NELL1: variants seen among roughly 807,000 people sequenced by gnomAD.
NELL1 encodes the protein neural EGFL like 1.
A neutral mutation model predicts 107.4 loss-of-function variants in NELL1; 76 were observed. The observed-to-expected ratio is 0.71, with a 90% CI of 0.59 to 0.86. NELL1 has a LOEUF of 0.86. NELL1 is among the 40% of genes least tolerant of loss of function. The pLI is 0.00. For synonymous variants in NELL1, 353 were observed against 341.2 expected (o/e 1.03, Z -0.38); for missense variants, 1,024 against 1,005.5 (o/e 1.02, Z -0.25).
At chr11:21,506,976 C>G (rs1337558645) in intron 15 of NELL1, among the ~76,000 whole-genome samples, 1 of 152,152 alleles carries the variant, frequency 6.6e-6, no homozygotes, top group African/African-American at 2.4e-5. Flanking sequence ...CATATTATTT[C>G]AAGGAACTCT....
At chr11:21,066,573 G>A (rs112958163) in intron 12 of NELL1, among the ~76,000 whole-genome samples, 1 of 152,152 alleles carries the variant, frequency 6.6e-6, no homozygotes, top group African/African-American at 2.4e-5. Context: ...AATAAAGGTT[G>A]CTATCATTCA....
At chr11:21,468,458 T>A (rs1019389728) in intron 15 of NELL1, among the ~76,000 whole-genome samples, 8 of 152,082 alleles carry the variant, frequency 5.3e-5, no homozygotes, top group Admixed American at 2.6e-4. Flanking sequence ...AAGTTGGCAA[T>A]AAAAAGACTT....
rs577525365 is a variant in NELL1, at chr11:20,756,139, C to A, written c.185-27541C>A. 1.1e-3 allele frequency among the ~76,000 whole-genome samples: 162 copies of A among 151,896 alleles called. 1 individual carries two copies. The highest frequency in any genetic ancestry group is 3.7e-3 in the African/African-American group (153 of 41,408). ...TCGTGATCCGCCTGCCTCGGCCCCC[C>A]AAAGTGCTGGGATTACAGGCGTGAG... On this transcript the variant is annotated intron_variant, in intron 2 of 19. Coordinates refer to ENST00000357134, the MANE Select transcript of NELL1 (RefSeq NM_006157.5).
chr11:21,184,023 G>A (rs1167844296), intron 13 of NELL1, among the ~76,000 whole-genome samples: 3 of 151,742 alleles, frequency 2.0e-5, no homozygotes, highest in Non-Finnish European at 2.9e-5. Flanking sequence ...GTAGTGAAGG[G>A]CAATGCGATA....
chr11:21,544,999 CT>C (rs1310825365), intron 16 of NELL1, among the ~76,000 whole-genome samples: 1 of 151,626 alleles, frequency 6.6e-6, no homozygotes, highest in African/African-American at 2.4e-5. Context: ...CAATATATGT[CT>C]ATTTGTGTAT....
intron 13 of NELL1, among the ~76,000 whole-genome samples, chr11:21,172,595 C>T (rs1032067463): frequency 5.3e-5 from 8 of 151,700 alleles, no homozygotes; most frequent in African/African-American, 1.9e-4. Context: ...ATACCACTAC[C>T]TTCTCCGAGG....
chr11:21,392,554 TA>T (rs1851902708), intron 15 of NELL1, among the ~76,000 whole-genome samples: 1 of 151,786 alleles, frequency 6.6e-6, no homozygotes, highest in South Asian at 2.1e-4. Context: ...AGGGGAAAAG[TA>T]GGGGTAAATA....
chr11:21,147,526 G>T (rs1048857785), intron 13 of NELL1, among the ~76,000 whole-genome samples: 3 of 152,000 alleles, frequency 2.0e-5, no homozygotes, highest in Non-Finnish European at 4.4e-5. Flanking sequence ...TGCATTTAGT[G>T]GTAAATACCT....
chr11:21,497,637 GA>G (rs894489046), intron 15 of NELL1, among the ~76,000 whole-genome samples: 10 of 151,168 alleles, frequency 6.6e-5, no homozygotes, highest in African/African-American at 1.2e-4. Flanking sequence ...ACCCCTCAAA[GA>G]AAAAAAATAT....
chr11:20,756,389 A>G (rs1224794418), intron 2 of NELL1, among the ~76,000 whole-genome samples: 1 of 151,370 alleles, frequency 6.6e-6, no homozygotes, highest in African/African-American at 2.4e-5. Flanking sequence ...CCCAGGCTGG[A>G]GTGCAGTGGT....
chr11:21,276,157 G>T (rs1393582329), intron 14 of NELL1, among the ~76,000 whole-genome samples: 4 of 152,110 alleles, frequency 2.6e-5, no homozygotes, highest in Non-Finnish European at 5.9e-5. Flanking sequence ...AAACCCCATC[G>T]TCTCAACCCA....
At chr11:21,150,553 C>T (rs759455659) in intron 13 of NELL1, among the ~76,000 whole-genome samples, 18 of 152,116 alleles carry the variant, frequency 1.2e-4, no homozygotes, top group South Asian at 2.1e-4. Context: ...TTACTTTTGC[C>T]GCACTGGTTG....
chr11:21,239,103 T>C (rs189104594), intron 14 of NELL1, among the ~76,000 whole-genome samples: 68 of 152,198 alleles, frequency 4.5e-4, no homozygotes, highest in Admixed American at 1.3e-3. Context: ...ATTGTCAATA[T>C]TATTATTAGC....
At chr11:21,167,648 C>T (rs946278263) in intron 13 of NELL1, among the ~76,000 whole-genome samples, 1 of 151,810 alleles carries the variant, frequency 6.6e-6, no homozygotes, top group Admixed American at 6.6e-5. Context: ...CTCTTCCTGC[C>T]ACCGACCTTC....
intron 13 of NELL1, among the ~76,000 whole-genome samples, chr11:21,161,911 T>C (rs1000203387): frequency 6.8e-6 from 1 of 147,178 alleles, no homozygotes; most frequent in Admixed American, 6.7e-5. Context: ...ACAGTAAAAG[T>C]TCCCTCTCCA....
At chr11:21,282,942 T>C (rs1382993301) in intron 14 of NELL1, among the ~76,000 whole-genome samples, 1 of 152,132 alleles carries the variant, frequency 6.6e-6, no homozygotes, top group Non-Finnish European at 1.5e-5. Context: ...AAATTGTGTA[T>C]GTTCTTACTT....
intron 2 of NELL1, among the ~76,000 whole-genome samples, chr11:20,778,766 A>AC (rs536434986): frequency 1.5e-3 from 223 of 152,004 alleles, no homozygotes; most frequent in African/African-American, 5.2e-3. Context: ...CTCCAAGTAC[A>AC]CCCCCAGGGT....
intron 17 of NELL1, among the ~76,000 whole-genome samples, chr11:21,568,325 G>T (rs75396024): frequency 1.3e-4 from 19 of 151,872 alleles, no homozygotes; most frequent in African/African-American, 4.6e-4. Flanking sequence ...GGAGCTTACG[G>T]GACTAGCAGT....
At chr11:20,804,116 A>G (rs1857334291) in intron 3 of NELL1, among the ~76,000 whole-genome samples, 1 of 152,170 alleles carries the variant, frequency 6.6e-6, no homozygotes, top group South Asian at 2.1e-4. Flanking sequence ...CCTTACTAAT[A>G]CATTGGTGCT....
Sources: allele counts gnomAD v4.1 joint callset (sites outside exome capture counted in the v4.1 genomes callset), GRCh38; gene constraint gnomAD v4.1.1; transcripts MANE v1.5; gene names NCBI Gene and HGNC (gene_info 2026-07-23, HGNC 2026-07-21).